The following CDH12 variants were observed in gnomAD, a reference collection of about 807,000 sequenced individuals.
CDH12 encodes cadherin-12.
CDH12 carries 41 observed loss-of-function variants against 74.1 expected under a neutral mutation model. The ratio of observed to expected loss-of-function variants is 0.55; its 90% CI spans 0.43 to 0.72. The LOEUF (loss-of-function observed/expected upper bound fraction) is 0.72. CDH12 is among the 30% of genes least tolerant of loss of function. The pLI, the probability that CDH12 is intolerant of heterozygous loss-of-function variation, is 0.00. For missense variants in CDH12, 945 were observed against 977.2 expected, an observed-to-expected ratio of 0.97 and a Z score of 0.44; for synonymous variants, 399 against 355.0, an observed-to-expected ratio of 1.12 and a Z score of -1.39.
intron 3 of CDH12, among the ~76,000 whole-genome samples, chr5:22,228,175 A>T (rs1324671146): frequency 6.6e-6 from 1 of 152,032 alleles, no homozygotes; most frequent in Admixed American, 6.6e-5. Context: ...ATTAACACTT[A>T]GTTATTAATA....
intron 13 of CDH12, among the ~76,000 whole-genome samples, chr5:21,756,589 T>C (rs73742003): frequency 0.037 from 5,644 of 152,252 alleles, 338 homozygotes; most frequent in African/African-American, 0.13. Flanking sequence ...AAAGTGCTCT[T>C]TTGCATGCAT....
At chr5:22,261,119 C>A (rs760396544) in intron 3 of CDH12, among the ~76,000 whole-genome samples, 2 of 150,186 alleles carry the variant, frequency 1.3e-5, no homozygotes, top group Non-Finnish European at 3.0e-5. Context: ...CTTTATTGTG[C>A]TAAAAGCTAT....
At chr5:22,781,887 C>T (rs1747401805) in intron 1 of CDH12, among the ~76,000 whole-genome samples, 1 of 152,056 alleles carries the variant, frequency 6.6e-6, no homozygotes. Flanking sequence ...ATAGTGTGTC[C>T]TGGGTGTGAG....
At chr5:21,885,650 G>C (rs912602619) in intron 6 of CDH12, among the ~76,000 whole-genome samples, 1 of 152,092 alleles carries the variant, frequency 6.6e-6, no homozygotes, top group Non-Finnish European at 1.5e-5. Flanking sequence ...ATCTTCATAG[G>C]ACTTTAAGCA....
chr5:21,872,799 T>G lies in CDH12; in HGVS notation c.527-18009A>C, dbSNP rs879808853. Among the ~76,000 whole-genome samples the G allele has an allele frequency of 9.4e-3, 1,413 of 150,978 alleles. 24 individuals carry two copies. Among genetic ancestry groups the G allele is most frequent in the South Asian group, 0.015 (70 of 4,760 alleles). ...TAAGAGTAAGATCTATCTATCTATC[T>G]ATCTATCTATCTATCTATCTATCTA... is the stretch of plus-strand genomic sequence containing the variant. On this transcript the variant is annotated intron_variant, in intron 6 of 14. Transcript: ENST00000382254.
chr5:22,019,747 G>A (rs1014870082), intron 5 of CDH12, among the ~76,000 whole-genome samples: 1 of 152,160 alleles, frequency 6.6e-6, no homozygotes, highest in Non-Finnish European at 1.5e-5. Flanking sequence ...AGCCCAAGAT[G>A]ACTAAGGCAG....
At chr5:22,428,551 A>G (rs1477972098) in intron 2 of CDH12, among the ~76,000 whole-genome samples, 1 of 152,140 alleles carries the variant, frequency 6.6e-6, no homozygotes, top group Admixed American at 6.6e-5. Context: ...TATAGCCAAG[A>G]AACTGATGTG....
intron 3 of CDH12, among the ~76,000 whole-genome samples, chr5:22,338,203 G>A (rs1014412872): frequency 6.6e-6 from 1 of 152,184 alleles, no homozygotes; most frequent in African/African-American, 2.4e-5. Flanking sequence ...TTAAAAAAAT[G>A]TGGTACTTAT....
chr5:22,779,947 T>C (rs1204795585), intron 1 of CDH12, among the ~76,000 whole-genome samples: 1 of 152,230 alleles, frequency 6.6e-6, no homozygotes. Context: ...ATTTGGTTGA[T>C]AGTACACATT....
At chr5:22,715,866 T>C (rs1743548075) in intron 1 of CDH12, among the ~76,000 whole-genome samples, 2 of 151,174 alleles carry the variant, frequency 1.3e-5, no homozygotes, top group African/African-American at 2.4e-5. Flanking sequence ...GCTAAGCACG[T>C]TGGGTTACGC....
chr5:22,094,534 G>A (rs1743630951), intron 4 of CDH12, among the ~76,000 whole-genome samples: 1 of 152,092 alleles, frequency 6.6e-6, no homozygotes, highest in South Asian at 2.1e-4. Context: ...AACAGTAGGG[G>A]GTGGCATGGC....
At chr5:21,999,573 T>G (rs1433432854) in intron 5 of CDH12, among the ~76,000 whole-genome samples, 1 of 152,156 alleles carries the variant, frequency 6.6e-6, no homozygotes, top group Non-Finnish European at 1.5e-5. Context: ...AAATGTCTTC[T>G]ATAATGTTCG....
chr5:22,309,020 G>T (rs969156397), intron 3 of CDH12, among the ~76,000 whole-genome samples: 1 of 151,978 alleles, frequency 6.6e-6, no homozygotes, highest in African/African-American at 2.4e-5. Flanking sequence ...AGCAGAGAAA[G>T]AGAAAGACGC....
At chr5:21,891,572 TACACACAC>T (rs66657734) in intron 6 of CDH12, among the ~76,000 whole-genome samples, 3 of 144,954 alleles carry the variant, frequency 2.1e-5, no homozygotes, top group Admixed American at 7.0e-5. Context: ...CACACACACA[TACACACAC>T]ACACACACAC....
intron 4 of CDH12, among the ~76,000 whole-genome samples, chr5:22,180,591 C>T (rs1239350568): frequency 2.0e-5 from 3 of 151,940 alleles, no homozygotes; most frequent in African/African-American, 7.3e-5. Flanking sequence ...TAACTCACTG[C>T]AACCTCTGCC....
At chr5:22,828,331 T>C (rs1432801956) in intron 1 of CDH12, among the ~76,000 whole-genome samples, 3 of 152,110 alleles carry the variant, frequency 2.0e-5, no homozygotes, top group Admixed American at 6.6e-5. Context: ...AATTAGGTAA[T>C]TGTAGACTGA....
intron 5 of CDH12, among the ~76,000 whole-genome samples, chr5:22,036,893 G>C (rs1466714868): frequency 6.6e-6 from 1 of 152,050 alleles, no homozygotes; most frequent in Non-Finnish European, 1.5e-5. Context: ...CCTAAAATAA[G>C]ATAATTTTAT....
At chr5:21,904,828 A>G (rs545385803) in intron 6 of CDH12, among the ~76,000 whole-genome samples, 1 of 152,194 alleles carries the variant, frequency 6.6e-6, no homozygotes, top group South Asian at 2.1e-4. Flanking sequence ...GGAAAAGGAA[A>G]AGGAAAAACA....
At chr5:22,530,535 T>A (rs1737542657) in intron 1 of CDH12, among the ~76,000 whole-genome samples, 1 of 152,096 alleles carries the variant, frequency 6.6e-6, no homozygotes, top group Non-Finnish European at 1.5e-5. Context: ...AACTTTAAAG[T>A]GCAATTCCTT....
Sources: gnomAD v4.1 joint callset for allele counts (sites outside exome capture counted in the v4.1 genomes callset) on GRCh38, gnomAD v4.1.1 for gene constraint, MANE v1.5 for transcripts, NCBI Gene and HGNC (gene_info 2026-07-23, HGNC 2026-07-21) for gene names.